KCNIP4: variants seen among roughly 807,000 people sequenced by gnomAD.
The protein encoded by KCNIP4 is potassium voltage-gated channel interacting protein 4.
Under a neutral mutation model 34.0 loss-of-function variants are expected in KCNIP4, and 12 were observed. The ratio of observed to expected loss-of-function variants is 0.35; its 90% CI spans 0.23 to 0.57. The LOEUF (loss-of-function observed/expected upper bound fraction) is 0.57. KCNIP4 is among the 20% of genes least tolerant of loss of function. KCNIP4 has a pLI of 0.83. For synonymous variants in KCNIP4, 124 were observed against 102.2 expected, an observed-to-expected ratio of 1.21 and a Z score of -1.29; for missense variants, 238 against 311.7, an observed-to-expected ratio of 0.76 and a Z score of 1.78.
chr4:21,158,159 C>T (rs917858785), intron 1 of KCNIP4, among the ~76,000 whole-genome samples: 1 of 152,060 alleles, frequency 6.6e-6, no homozygotes, highest in African/African-American at 2.4e-5. Flanking sequence ...ATTAAAGTTA[C>T]AGTTAAAAAA....
At position 21,070,090 on chromosome 4, in the gene KCNIP4, G is replaced by C. The variant is rs76220920; in HGVS notation, c.62-187381C>G. 5.7e-3 allele frequency among the ~76,000 whole-genome samples: 866 copies of C among 152,248 alleles called. 10 individuals carry two copies. Among genetic ancestry groups the C allele is most frequent in the African/African-American group, 0.02 (821 of 41,528 alleles). On this transcript the variant is annotated intron_variant, in intron 1 of 8. Coordinates refer to ENST00000382152, the MANE Select transcript of KCNIP4 (RefSeq NM_025221.6). The stretch of plus-strand genomic sequence containing the variant: ...CTACTATATAAATGGAATCATACCA[G>C]ATGTGACCTTTCAAGATTGGAGTTT...
intron 3 of KCNIP4, among the ~76,000 whole-genome samples, chr4:20,800,507 G>T (rs1714093702): frequency 6.6e-6 from 1 of 151,998 alleles, no homozygotes; most frequent in Admixed American, 6.6e-5. Flanking sequence ...AGACACAAGA[G>T]AATACACATA....
chr4:21,103,175 T>G (rs575250354), intron 1 of KCNIP4, among the ~76,000 whole-genome samples: 1 of 151,636 alleles, frequency 6.6e-6, no homozygotes, highest in African/African-American at 2.4e-5. Flanking sequence ...GCTTTTCCAT[T>G]TACCAACTTT....
chr4:21,697,703 G>T, intron 1 of KCNIP4: 1 of 1,232,482 alleles, frequency 8.1e-7, no homozygotes, highest in Non-Finnish European at 1.0e-6. Flanking sequence ...TGTGGCAACA[G>T]ACAGGCTGCC....
At chr4:20,930,710 T>C (rs1460602142) in intron 1 of KCNIP4, among the ~76,000 whole-genome samples, 1 of 151,878 alleles carries the variant, frequency 6.6e-6, no homozygotes, top group Admixed American at 6.6e-5. Context: ...GACCTGAACA[T>C]ACTTTTCTCC....
chr4:20,888,609 AC>A (rs1725572372), intron 1 of KCNIP4, among the ~76,000 whole-genome samples: 1 of 152,178 alleles, frequency 6.6e-6, no homozygotes, highest in Admixed American at 6.5e-5. Flanking sequence ...ATTTACCCTC[AC>A]AGAGACTAAA....
chr4:21,455,611 T>A (rs904874806), intron 1 of KCNIP4, among the ~76,000 whole-genome samples: 1 of 143,326 alleles, frequency 7.0e-6, no homozygotes, highest in South Asian at 2.2e-4. Flanking sequence ...ATTTTACAGA[T>A]AAAGAAACTG....
chr4:21,820,322 T>TAC (rs1258701805), intron 1 of KCNIP4, among the ~76,000 whole-genome samples: 2 of 135,810 alleles, frequency 1.5e-5, no homozygotes, highest in African/African-American at 2.7e-5. Context: ...TATATATATA[T>TAC]ATACATATAT....
chr4:21,646,307 A>G (rs9991725), intron 1 of KCNIP4, among the ~76,000 whole-genome samples: 42,459 of 151,998 alleles, frequency 0.28, 7,572 homozygotes, highest in East Asian at 0.91. Flanking sequence ...ATCATATCCA[A>G]TCAAATGTCT....
chr4:20,978,815 A>T (rs572254149), intron 1 of KCNIP4, among the ~76,000 whole-genome samples: 1 of 152,164 alleles, frequency 6.6e-6, no homozygotes, highest in Non-Finnish European at 1.5e-5. Context: ...TTCTTATGCA[A>T]CTGAGAATAT....
intron 1 of KCNIP4, among the ~76,000 whole-genome samples, chr4:20,888,352 A>G (rs1255880113): frequency 2.6e-5 from 4 of 152,172 alleles, no homozygotes; most frequent in African/African-American, 9.6e-5. Flanking sequence ...GCATGAAATC[A>G]GACTATATAT....
At chr4:21,615,580 A>G (rs1577697310) in intron 1 of KCNIP4, among the ~76,000 whole-genome samples, 1 of 152,076 alleles carries the variant, frequency 6.6e-6, no homozygotes. Context: ...AAAAACATAT[A>G]AAAGTAACAA....
intron 3 of KCNIP4, among the ~76,000 whole-genome samples, chr4:20,792,537 T>C (rs1401309734): frequency 6.6e-6 from 1 of 152,036 alleles, no homozygotes; most frequent in Non-Finnish European, 1.5e-5. Context: ...GCTAATTATA[T>C]GCTACCAACC....
At chr4:21,809,155 A>G (rs537982110) in intron 1 of KCNIP4, among the ~76,000 whole-genome samples, 4 of 152,252 alleles carry the variant, frequency 2.6e-5, no homozygotes, top group South Asian at 4.2e-4. Flanking sequence ...TAAGTAGACT[A>G]TGTAAAGAAG....
chr4:21,357,000 A>C (rs1345407861), intron 1 of KCNIP4, among the ~76,000 whole-genome samples: 1 of 152,054 alleles, frequency 6.6e-6, no homozygotes, highest in Non-Finnish European at 1.5e-5. Context: ...CAGAGCCCAC[A>C]GAAATAACAC....
At chr4:21,468,471 C>T (rs977222240) in intron 1 of KCNIP4, among the ~76,000 whole-genome samples, 9 of 152,108 alleles carry the variant, frequency 5.9e-5, no homozygotes, top group African/African-American at 2.2e-4. Context: ...GTGCTTTCAT[C>T]GCTTGCATTA....
At chr4:21,586,061 C>T (rs562517715) in intron 1 of KCNIP4, among the ~76,000 whole-genome samples, 9 of 152,154 alleles carry the variant, frequency 5.9e-5, no homozygotes, top group African/African-American at 2.2e-4. Context: ...CTCACTCACA[C>T]TGTGTGATTT....
intron 3 of KCNIP4, among the ~76,000 whole-genome samples, chr4:20,782,553 C>T (rs1429321266): frequency 6.6e-6 from 1 of 152,186 alleles, no homozygotes; most frequent in Non-Finnish European, 1.5e-5. Context: ...TTAGGGCTTG[C>T]ACCCTCTGAA....
At chr4:20,963,610 A>G (rs1347678564) in intron 1 of KCNIP4, among the ~76,000 whole-genome samples, 1 of 152,176 alleles carries the variant, frequency 6.6e-6, no homozygotes, top group Non-Finnish European at 1.5e-5. Flanking sequence ...TTTATTTAAG[A>G]GAAGAAATGC....
Sources: allele counts gnomAD v4.1 joint callset (sites outside exome capture counted in the v4.1 genomes callset), GRCh38; gene constraint gnomAD v4.1.1; transcripts MANE v1.5; gene names NCBI Gene and HGNC (gene_info 2026-07-23, HGNC 2026-07-21).